The following SEMA3E variants were observed in gnomAD, a reference collection of about 807,000 sequenced individuals.
The protein encoded by SEMA3E is semaphorin 3E, also known as semaphorin-3E.
In SEMA3E, 49 loss-of-function variants were observed where a neutral mutation model predicts 93.6. The observed-to-expected ratio is 0.52, with a 90% CI of 0.42 to 0.66. The LOEUF is 0.66. Among genes scored for constraint, SEMA3E ranks in the 30% least tolerant of loss-of-function variants. The pLI, the probability that SEMA3E is intolerant of heterozygous loss-of-function variation, is 0.00. For missense variants in SEMA3E, 906 were observed against 964.8 expected, an observed-to-expected ratio of 0.94 and a Z score of 0.81; for synonymous variants, 363 against 330.7, an observed-to-expected ratio of 1.10 and a Z score of -1.06.
intron 4 of SEMA3E, among the ~76,000 whole-genome samples, chr7:83,456,076 G>C (rs1469066975): frequency 6.6e-6 from 1 of 152,188 alleles, no homozygotes; most frequent in Non-Finnish European, 1.5e-5. Context: ...TTGTTTGCAA[G>C]AAAGAAAATA....
intron 2 of SEMA3E, among the ~76,000 whole-genome samples, chr7:83,486,039 G>A (rs1441502495): frequency 6.6e-6 from 1 of 151,756 alleles, no homozygotes; most frequent in East Asian, 1.9e-4. Context: ...GGTTAATGGT[G>A]TGTGTGTGTG....
intron 4 of SEMA3E, among the ~76,000 whole-genome samples, chr7:83,445,426 G>A (rs1789205228): frequency 6.6e-6 from 1 of 152,184 alleles, no homozygotes; most frequent in Admixed American, 6.5e-5. Flanking sequence ...GTCATCAAGA[G>A]TATAGGTGGG....
At chr7:83,532,786 TAA>T (rs745674254) in intron 1 of SEMA3E, among the ~76,000 whole-genome samples, 3,464 of 151,318 alleles carry the variant, frequency 0.023, 50 homozygotes, top group African/African-American at 0.034. Flanking sequence ...GTTTTTTTTT[TAA>T]AAAAAGAAAG....
chr7:83,478,186 G>A (rs1026717048), intron 2 of SEMA3E, among the ~76,000 whole-genome samples: 1 of 152,168 alleles, frequency 6.6e-6, no homozygotes, highest in Non-Finnish European at 1.5e-5. Flanking sequence ...GTCCCCCAAA[G>A]TGGTGGAATT....
intron 14 of SEMA3E, among the ~76,000 whole-genome samples, chr7:83,388,128 G>T (rs1027661714): frequency 6.8e-6 from 1 of 148,124 alleles, no homozygotes; most frequent in Non-Finnish European, 1.5e-5. Context: ...GACCAACATG[G>T]TGAAACCCCG....
chr7:83,431,259 A>C (rs1365912879), intron 4 of SEMA3E, among the ~76,000 whole-genome samples: 2 of 151,708 alleles, frequency 1.3e-5, no homozygotes, highest in African/African-American at 4.8e-5. Context: ...AAATAAAATA[A>C]AGTTTTGAGA....
Position 83,617,317 on chromosome 7 carries a change from A to G in SEMA3E, c.115+31111T>C, listed in dbSNP as rs529803636. Reference sequence around the variant, plus strand: ...TAATAAATGCCCTAAGGTTAAGTATAAAGGGGTGAAACTAACCCCACCAAA... The same window carrying G: ...TAATAAATGCCCTAAGGTTAAGTATGAAGGGGTGAAACTAACCCCACCAAA... On this transcript the variant is annotated intron_variant, in intron 1 of 16. Coordinates refer to ENST00000643230, the MANE Select transcript of SEMA3E (RefSeq NM_012431.3). Among the ~76,000 whole-genome samples, 23 of 150,780 alleles carry G rather than the reference A, an allele frequency of 1.5e-4. 1 individual carries two copies. In the East Asian group the frequency reaches 4.1e-3, roughly 27 times the overall value.
chr7:83,384,848 G>C (rs1787847558), intron 16 of SEMA3E, among the ~76,000 whole-genome samples: 1 of 151,958 alleles, frequency 6.6e-6, no homozygotes, highest in African/African-American at 2.4e-5. Flanking sequence ...TGAGCTTAAT[G>C]TTGTAGCTGT....
intron 5 of SEMA3E, among the ~76,000 whole-genome samples, chr7:83,412,619 G>A (rs1177725663): frequency 1.3e-5 from 2 of 151,792 alleles, no homozygotes; most frequent in African/African-American, 4.8e-5. Flanking sequence ...TAAAGTAGCT[G>A]GGCATGGGGG....
intron 1 of SEMA3E, among the ~76,000 whole-genome samples, chr7:83,615,393 CAG>C (rs1262359770): frequency 3.3e-5 from 5 of 151,616 alleles, no homozygotes; most frequent in Non-Finnish European, 7.4e-5. Context: ...GCCCTGAAAA[CAG>C]AATAATATAA....
chr7:83,504,731 C>T (rs13221248), intron 1 of SEMA3E, among the ~76,000 whole-genome samples: 13,610 of 152,040 alleles, frequency 0.09, 781 homozygotes, highest in South Asian at 0.21. Flanking sequence ...TATAACCTGT[C>T]GTGAGGCAAA....
At chr7:83,617,080 A>G (rs1793386201) in intron 1 of SEMA3E, among the ~76,000 whole-genome samples, 1 of 152,162 alleles carries the variant, frequency 6.6e-6, no homozygotes, top group Non-Finnish European at 1.5e-5. Context: ...TGGTTACAAT[A>G]CCAAACTATA....
chr7:83,528,727 C>G (rs1791221163), intron 1 of SEMA3E, among the ~76,000 whole-genome samples: 1 of 151,946 alleles, frequency 6.6e-6, no homozygotes, highest in African/African-American at 2.4e-5. Context: ...AAAATATAAT[C>G]TAGTTAACAT....
chr7:83,449,720 T>C (rs1789314619), intron 4 of SEMA3E, among the ~76,000 whole-genome samples: 1 of 152,180 alleles, frequency 6.6e-6, no homozygotes, highest in Admixed American at 6.5e-5. Context: ...TGTTCTCTCT[T>C]CCTGTTTCTC....
intron 1 of SEMA3E, among the ~76,000 whole-genome samples, chr7:83,542,745 A>T (rs10429098): frequency 0.22 from 33,545 of 152,018 alleles, 3,894 homozygotes; most frequent in East Asian, 0.39. Context: ...ATAATCAGCT[A>T]AAATGCCATC....
rs527343386 is a variant in SEMA3E, at chr7:83,443,197, C to T, written c.456+23285G>A. Among the ~76,000 whole-genome samples, 36 of 152,206 alleles carry T rather than the reference C, an allele frequency of 2.4e-4. No individual in the cohort carries two copies. In the South Asian group the frequency reaches 7.1e-3, roughly 30 times the overall value. ...GGTAGTGGAGTACCTTTGTACAGGA[C>T]CTTTCTGACATGGTGACGGGGTATT... On this transcript the variant is annotated intron_variant, in intron 4 of 16. Transcript: ENST00000643230.
intron 16 of SEMA3E, chr7:83,372,398 C>T (rs751830974): frequency 2.4e-4 from 94 of 395,886 alleles, no homozygotes; most frequent in Non-Finnish European, 3.7e-4. Flanking sequence ...AGTGATCTAG[C>T]CTAGTTTCCA....
intron 5 of SEMA3E, among the ~76,000 whole-genome samples, chr7:83,416,984 TACACAC>T (rs71522659): frequency 4.9e-4 from 56 of 113,750 alleles, no homozygotes; most frequent in Middle Eastern, 4.1e-3. Flanking sequence ...ACTCTGTTTA[TACACAC>T]ACACACACAC....
At chr7:83,528,919 A>C (rs1041206221) in intron 1 of SEMA3E, among the ~76,000 whole-genome samples, 1 of 151,598 alleles carries the variant, frequency 6.6e-6, no homozygotes, top group Non-Finnish European at 1.5e-5. Context: ...TAAATACGTG[A>C]AAAATATGCT....
Sources: allele counts gnomAD v4.1 joint callset (sites outside exome capture counted in the v4.1 genomes callset), GRCh38; gene constraint gnomAD v4.1.1; transcripts MANE v1.5; gene names NCBI Gene and HGNC (gene_info 2026-07-23, HGNC 2026-07-21).